The following CYP51A1 variants were observed in gnomAD, a reference collection of about 807,000 sequenced individuals.
The protein encoded by CYP51A1 is lanosterol 14-alpha demethylase.
In CYP51A1, 45 loss-of-function variants were observed where a neutral mutation model predicts 53.5. The observed-to-expected ratio is 0.84, with a 90% CI of 0.66 to 1.08. The LOEUF (loss-of-function observed/expected upper bound fraction) is 1.08. CYP51A1 is among the 50% of genes least tolerant of loss of function. CYP51A1 has a pLI of 0.00. For synonymous variants in CYP51A1, 181 were observed against 217.7 expected (o/e 0.83, Z 1.48); for missense variants, 462 against 621.7 (o/e 0.74, Z 2.73).
At chr7:92,116,254 C>T (rs1819578022) in intron 9 of CYP51A1, among the ~76,000 whole-genome samples, 1 of 152,040 alleles carries the variant, frequency 6.6e-6, no homozygotes, top group Non-Finnish European at 1.5e-5. Flanking sequence ...GACTGGGTGA[C>T]AGAGCAAGAC....
rs1819434941 is a variant in CYP51A1 at position 92,112,671 on chromosome 7, A to C, written c.*994T>G. On this transcript the variant is annotated 3_prime_UTR_variant, in exon 10 of 10. Transcript: ENST00000003100. Reference sequence around the variant, plus strand: ...AGTGAAACCCCCGTCTCTACTAAAAATACAAAAAATTAGCCAGGCATGGTG... The same window carrying C: ...AGTGAAACCCCCGTCTCTACTAAAACTACAAAAAATTAGCCAGGCATGGTG... 1 of 152,130 alleles carries C rather than the reference A, an allele frequency of 6.6e-6. No individual in the cohort carries two copies. Among genetic ancestry groups the C allele is most frequent in the South Asian group, 2.1e-4 (1 of 4,824 alleles). The allele number at this position is 152,130 out of a possible 1,614,324, so 9.4% of individuals were successfully genotyped here. A position where few individuals can be genotyped will look rare whatever the true frequency, so the allele number is the denominator to read the frequency against.
chr7:92,123,013 T>C (rs1819720319), intron 7 of CYP51A1, 107 bp downstream of exon 7: 1 of 787,092 alleles, frequency 1.3e-6, no homozygotes, highest in African/African-American at 1.7e-5. Context: ...GAGAAGCTGA[T>C]CAATTTAAGC....
chr7:92,113,433 G>A lies in CYP51A1; in HGVS notation c.*232C>T. 2.4e-6 allele frequency: 1 copy of A among 424,394 alleles called. No individual in the cohort carries two copies. The highest frequency in any genetic ancestry group is 3.4e-5 in the South Asian group (1 of 29,576). 26.3% of individuals were successfully genotyped at this position (424,394 alleles called of 1,614,324 possible). A position where few individuals can be genotyped will look rare whatever the true frequency, so the allele number is the denominator to read the frequency against. On this transcript the variant is annotated 3_prime_UTR_variant, in exon 10 of 10. Transcript: ENST00000003100. Reference sequence around the variant, plus strand: ...CCCCCTCAACAATTGTTTCACCAAGGAACTTCCTGAAAGCACATGTATAAG... The same window carrying A: ...CCCCCTCAACAATTGTTTCACCAAGAAACTTCCTGAAAGCACATGTATAAG...
intron 2 of CYP51A1, 44 bp from the exon 3 acceptor site, chr7:92,129,100 C>A: frequency 7.6e-7 from 1 of 1,321,036 alleles, no homozygotes; most frequent in Non-Finnish European, 1.0e-6. Flanking sequence ...AAAAAATATG[C>A]AACACTACGA....
At chr7:92,127,441 T>C in intron 4 of CYP51A1, 64 bp downstream of exon 4, 3 of 1,481,342 alleles carry the variant, frequency 2.0e-6, no homozygotes, top group Non-Finnish European at 2.8e-6. Flanking sequence ...CACACATATA[T>C]ACTCTACTTT....
At chr7:92,122,981 T>C (rs902798481) in intron 7 of CYP51A1, 139 bp downstream of exon 7, 1 of 648,414 alleles carries the variant, frequency 1.5e-6, no homozygotes, top group African/African-American at 1.8e-5. Flanking sequence ...TAGGTAAGGT[T>C]ATAGGGAATT....
chr7:92,126,040 T>C (rs967769748), intron 5 of CYP51A1, among the ~76,000 whole-genome samples: 2 of 152,020 alleles, frequency 1.3e-5, no homozygotes, highest in Non-Finnish European at 2.9e-5. Context: ...AGACAACAAA[T>C]CACCTTTTTA....
intron 9 of CYP51A1, 69 bp downstream of exon 9, chr7:92,116,975 G>T: frequency 6.9e-7 from 1 of 1,441,400 alleles, no homozygotes; most frequent in Non-Finnish European, 9.3e-7. Flanking sequence ...AACACAATTC[G>T]GAATATTTTG....
At chr7:92,119,419 A>G (rs1174728843) in intron 7 of CYP51A1, among the ~76,000 whole-genome samples, 1 of 152,186 alleles carries the variant, frequency 6.6e-6, no homozygotes, top group East Asian at 1.9e-4. Context: ...TGTTAATAAC[A>G]TCCCCTAACA....
intron 1 of CYP51A1, among the ~76,000 whole-genome samples, chr7:92,132,773 G>A (rs560807883): frequency 2.3e-4 from 35 of 152,324 alleles, no homozygotes; most frequent in Middle Eastern, 3.4e-3. Flanking sequence ...TTTTAAGAGA[G>A]TAGATCAGCT....
chr7:92,126,359 T>C lies in CYP51A1; in HGVS notation c.664A>G (p.Arg222Gly). The C allele has an allele frequency of 6.2e-7, 1 of 1,613,708 alleles. No individual in the cohort carries two copies. Among genetic ancestry groups the C allele is most frequent in the Non-Finnish European group, 8.5e-7 (1 of 1,179,808 alleles). The stretch of plus-strand genomic sequence containing the variant: ...GCTACCTTTTCATTGAGTTGACTTC[T>C]GATTTCCTTTCCATGCAAACAATGG... ...ASHCLHGKEI[R>G]SQLNEKVAQL... The change falls in exon 5 of 10, where the codon AGA becomes GGA. Residue 222 changes from arginine (R) to glycine (G), a missense_variant. Arg to Gly is a moderately radical substitution (Grantham distance 125, BLOSUM62 -2). Coordinates refer to ENST00000003100, the MANE Select transcript of CYP51A1 (RefSeq NM_000786.4).
At chr7:92,121,195 T>A (rs1584632969) in intron 7 of CYP51A1, among the ~76,000 whole-genome samples, 1 of 150,938 alleles carries the variant, frequency 6.6e-6, no homozygotes, top group Non-Finnish European at 1.5e-5. Context: ...GGAAGGAGAA[T>A]AGCTTGAACC....
intron 7 of CYP51A1, among the ~76,000 whole-genome samples, chr7:92,120,640 C>T (rs1819672634): frequency 6.6e-6 from 1 of 152,102 alleles, no homozygotes; most frequent in African/African-American, 2.4e-5. Flanking sequence ...GTCTTTTCAA[C>T]AAACAGTGTG....
chr7:92,125,144 CAAA>C (rs1232943204), intron 5 of CYP51A1, among the ~76,000 whole-genome samples: 9 of 67,120 alleles, frequency 1.3e-4, no homozygotes, highest in Non-Finnish European at 1.3e-4. Context: ...ACTCCATCAC[CAAA>C]AAAAAAAAAA....
chr7:92,128,675 G>A (rs561141501), intron 3 of CYP51A1, among the ~76,000 whole-genome samples: 110 of 152,142 alleles, frequency 7.2e-4, no homozygotes, highest in Non-Finnish European at 1.3e-3. Context: ...TTTTAGTAGA[G>A]ACAGGGTTTC....
chr7:92,114,095 G>C (rs1400889890), intron 9 of CYP51A1, among the ~76,000 whole-genome samples: 2 of 151,954 alleles, frequency 1.3e-5, no homozygotes, highest in African/African-American at 4.8e-5. Context: ...TATATATCTG[G>C]GTTAAATATA....
Position 92,127,536 on chromosome 7 carries a change from G to A in CYP51A1, c.564C>T (p.Tyr188=), listed in dbSNP as rs191927387. ...CTCCACTTTCTCCCCAACTCTCAAAGTATTCCTTTGTTTCTTTTTCAATTA... is the reference window on the plus strand; with the variant it reads ...CTCCACTTTCTCCCCAACTCTCAAAATATTCCTTTGTTTCTTTTTCAATTA... ...VSIIEKETKE[Y]FESWGESGEK... Residue 188 remains tyrosine (Y), a synonymous_variant, in exon 4 of 10, where the codon TAC becomes TAT. Coordinates refer to ENST00000003100, the MANE Select transcript of CYP51A1 (RefSeq NM_000786.4). 30 of 1,611,778 alleles carry A rather than the reference G, an allele frequency of 1.9e-5. No individual in the cohort carries two copies. Among genetic ancestry groups the A allele is most frequent in the Non-Finnish European group, 2.2e-5 (26 of 1,179,204 alleles).
At position 92,113,859 on chromosome 7, in the gene CYP51A1, A is replaced by C; in HGVS notation, c.1352-16T>G. ...CGATGACGCCCTAAAAAAAAGAAAA[A>C]GTTATAAGAATCAGTTTAAATTCTT... On this transcript the variant is annotated splice_polypyrimidine_tract_variant and intron_variant, in intron 9 of 9. Transcript: ENST00000003100. The C allele has an allele frequency of 1.3e-6, 2 of 1,558,978 alleles. No individual in the cohort carries two copies. Among genetic ancestry groups the C allele is most frequent in the Non-Finnish European group, 1.7e-6 (2 of 1,151,482 alleles).
At chr7:92,132,912 C>G (rs568741387) in intron 1 of CYP51A1, among the ~76,000 whole-genome samples, 2 of 152,332 alleles carry the variant, frequency 1.3e-5, no homozygotes, top group African/African-American at 4.8e-5. Flanking sequence ...CCTCAATTCT[C>G]TGGTGGTCTC....
Sources: gnomAD v4.1 joint callset for allele counts (sites outside exome capture counted in the v4.1 genomes callset) on GRCh38, gnomAD v4.1.1 for gene constraint, MANE v1.5 for transcripts, NCBI Gene and HGNC (gene_info 2026-07-23, HGNC 2026-07-21) for gene names.